CAMK2D: variants seen among roughly 807,000 people sequenced by gnomAD.
The protein encoded by CAMK2D is calcium/calmodulin-dependent protein kinase type II subunit delta.
A neutral mutation model predicts 84.0 loss-of-function variants in CAMK2D; 37 were observed. That is an observed-to-expected ratio of 0.44 (90% confidence interval 0.34 to 0.58). The LOEUF (loss-of-function observed/expected upper bound fraction) is 0.58. Among genes scored for constraint, CAMK2D ranks in the 20% least tolerant of loss-of-function variants. The pLI, the probability that CAMK2D is intolerant of heterozygous loss-of-function variation, is 0.02. For missense variants in CAMK2D, 448 were observed against 652.5 expected (o/e 0.69, Z 3.41); for synonymous variants, 202 against 212.5 (o/e 0.95, Z 0.43).
At chr4:113,668,131 A>T (rs1284336628) in intron 2 of CAMK2D, among the ~76,000 whole-genome samples, 1 of 152,202 alleles carries the variant, frequency 6.6e-6, no homozygotes, top group Non-Finnish European at 1.5e-5. Context: ...TTGAAAAAAA[A>T]AATTACGTGA....
At chr4:113,609,306 TG>T in intron 3 of CAMK2D, 100 bp from the exon 4 acceptor site, 1 of 700,256 alleles carries the variant, frequency 1.4e-6, no homozygotes. Flanking sequence ...CTAGAAATGT[TG>T]GCATTACATT....
At chr4:113,631,919 G>A (rs2099091401) in intron 3 of CAMK2D, among the ~76,000 whole-genome samples, 1 of 152,076 alleles carries the variant, frequency 6.6e-6, no homozygotes, top group African/African-American at 2.4e-5. Flanking sequence ...AAGTTTTGAA[G>A]GAAAATGTAA....
At chr4:113,581,513 T>TAAA (rs777730996) in intron 4 of CAMK2D, among the ~76,000 whole-genome samples, 2 of 34,302 alleles carry the variant, frequency 5.8e-5, no homozygotes, top group Non-Finnish European at 9.3e-5. Context: ...AACTTTCTCA[T>TAAA]AAAAAAAAAA....
At chr4:113,457,635 G>T (rs1285481065) in intron 18 of CAMK2D, 72 bp from the exon 19 acceptor site, 6 of 1,114,364 alleles carry the variant, frequency 5.4e-6, no homozygotes, top group African/African-American at 3.1e-5. Flanking sequence ...AATAACTTCA[G>T]TTAGGACCAA....
At chr4:113,724,384 A>G (rs2099539876) in intron 2 of CAMK2D, among the ~76,000 whole-genome samples, 1 of 151,972 alleles carries the variant, frequency 6.6e-6, no homozygotes, top group Non-Finnish European at 1.5e-5. Flanking sequence ...TGCTTAATAC[A>G]TAAATGTATA....
intron 3 of CAMK2D, among the ~76,000 whole-genome samples, chr4:113,610,601 T>C (rs1171869176): frequency 6.6e-6 from 1 of 152,168 alleles, no homozygotes; most frequent in African/African-American, 2.4e-5. Flanking sequence ...TGAATCCCTC[T>C]CTAGATAGAT....
At chr4:113,462,318 G>GTCTATCTATCTA (rs1175189521) in intron 17 of CAMK2D, among the ~76,000 whole-genome samples, 1 of 112,418 alleles carries the variant, frequency 8.9e-6, no homozygotes, top group African/African-American at 3.1e-5. Context: ...CTGTCTGTCT[G>GTCTATCTATCTA]TCTGTCTGTC....
intron 3 of CAMK2D, among the ~76,000 whole-genome samples, chr4:113,644,556 A>G (rs1033401228): frequency 6.6e-6 from 1 of 152,216 alleles, no homozygotes; most frequent in South Asian, 2.1e-4. Context: ...AAATCTAGTC[A>G]ATGGGCAACC....
At chr4:113,702,897 C>T (rs1460484006) in intron 2 of CAMK2D, among the ~76,000 whole-genome samples, 1 of 151,244 alleles carries the variant, frequency 6.6e-6, no homozygotes, top group Non-Finnish European at 1.5e-5. Context: ...AGACTCTTAT[C>T]TTAAAATATA....
At chr4:113,487,284 G>T (rs1205895936) in intron 16 of CAMK2D, among the ~76,000 whole-genome samples, 1 of 152,020 alleles carries the variant, frequency 6.6e-6, no homozygotes, top group East Asian at 1.9e-4. Flanking sequence ...GGGGGTTATA[G>T]CAGAAATCCA....
chr4:113,681,418 G>C (rs1355718772), intron 2 of CAMK2D, among the ~76,000 whole-genome samples: 1 of 152,150 alleles, frequency 6.6e-6, no homozygotes, highest in Non-Finnish European at 1.5e-5. Flanking sequence ...TGTGAAGAAG[G>C]ATGTGTTTGC....
rs34155395 is a variant in CAMK2D at position 113,596,820 on chromosome 4, ATT to A, written c.275+12330_275+12331del. Among the ~76,000 whole-genome samples, 655 of 142,134 alleles carry A rather than the reference ATT, an allele frequency of 4.6e-3. 3 individuals are homozygous for A. Among genetic ancestry groups the A allele is most frequent in the African/African-American group, 0.015 (566 of 38,120 alleles). The allele number at this position is 142,134 out of a possible 152,430, so 93.2% of individuals were successfully genotyped here. A position where few individuals can be genotyped will look rare whatever the true frequency, so the allele number is the denominator to read the frequency against. Reference sequence around the variant, plus strand: ...TAGCATCTATCTTAAGGGTCCTAGAATTTTTTTTTTTTTTTTTGAGATGGAGC... The same window carrying A: ...TAGCATCTATCTTAAGGGTCCTAGAATTTTTTTTTTTTTTTGAGATGGAGC... On this transcript the variant is annotated intron_variant, in intron 4 of 20. Transcript: ENST00000511664.
At chr4:113,594,068 C>CT (rs1248292387) in intron 4 of CAMK2D, among the ~76,000 whole-genome samples, 1 of 152,116 alleles carries the variant, frequency 6.6e-6, no homozygotes, top group African/African-American at 2.4e-5. Context: ...CCTCAGGGAG[C>CT]TTTTACTCAT....
chr4:113,523,796 TAAAC>T lies in CAMK2D; in HGVS notation c.602-6143_602-6140del, dbSNP rs571041994. Among the ~76,000 whole-genome samples the T allele has an allele frequency of 2.1e-3, 319 of 151,536 alleles. 2 individuals are homozygous for T. Among genetic ancestry groups the T allele is most frequent in the East Asian group, 7.2e-3 (37 of 5,142 alleles). ...CGAAATAAATAAATAAATAAATAAA[TAAAC>T]AAACAAACAAATAAATAAATAATTA... On this transcript the variant is annotated intron_variant, in intron 8 of 20. Transcript: ENST00000511664.
At chr4:113,645,109 C>T (rs561010043) in intron 3 of CAMK2D, among the ~76,000 whole-genome samples, 3 of 152,248 alleles carry the variant, frequency 2.0e-5, no homozygotes, top group East Asian at 1.9e-4. Context: ...CTCCACCTCC[C>T]GGGTTCACGC....
At chr4:113,605,218 T>C (rs1311967482) in intron 4 of CAMK2D, among the ~76,000 whole-genome samples, 1 of 152,250 alleles carries the variant, frequency 6.6e-6, no homozygotes, top group Non-Finnish European at 1.5e-5. Context: ...TATCTTCCAT[T>C]AGCTCCTTCA....
chr4:113,655,672 C>T (rs1246549410), intron 3 of CAMK2D, among the ~76,000 whole-genome samples: 7 of 152,192 alleles, frequency 4.6e-5, no homozygotes, highest in Middle Eastern at 3.4e-3. Context: ...TTCATCATCC[C>T]ATGAACTGCA....
chr4:113,659,746 A>G (rs1483326074), intron 3 of CAMK2D, among the ~76,000 whole-genome samples: 1 of 152,214 alleles, frequency 6.6e-6, no homozygotes, highest in East Asian at 1.9e-4. Context: ...TAGCAAACCA[A>G]TACAGCCAAA....
chr4:113,720,720 A>T (rs989461255), intron 2 of CAMK2D, among the ~76,000 whole-genome samples: 4 of 151,854 alleles, frequency 2.6e-5, no homozygotes, highest in African/African-American at 9.7e-5. Flanking sequence ...AGAAAAAAAA[A>T]TCCCACTATC....
Sources: allele counts gnomAD v4.1 joint callset (sites outside exome capture counted in the v4.1 genomes callset), GRCh38; gene constraint gnomAD v4.1.1; transcripts MANE v1.5; gene names NCBI Gene and HGNC (gene_info 2026-07-23, HGNC 2026-07-21).